The following CKM variants were observed in gnomAD, a reference collection of about 807,000 sequenced individuals.
CKM encodes the protein creatine kinase, M-type.
A neutral mutation model predicts 35.4 loss-of-function variants in CKM; 28 were observed. That is an observed-to-expected ratio of 0.79 (90% confidence interval 0.59 to 1.08). The LOEUF is 1.08. CKM is among the 50% of genes least tolerant of loss of function. The pLI is 0.00. For missense variants in CKM, 484 were observed against 509.8 expected (o/e 0.95, Z 0.49); for synonymous variants, 215 against 204.4 (o/e 1.05, Z -0.44).
In CKM at chr19:45,315,515, G is replaced by T. The variant is rs748106567; in HGVS notation, c.431C>A (p.Pro144Gln). Reference protein sequence around the residue: ...GRSIKGYTLPPHCSRGERRAV... With the variant: ...GRSIKGYTLPQHCSRGERRAV... ...CCGGCGCTCGCCACGGGAGCAGTGT[G>T]GGGGCAACGTGTAGCCCTTGATGCT... The change falls in exon 4 of 8, where the codon CCA becomes CAA. Residue 144 changes from proline to glutamine, a missense_variant. Physicochemically the swap from Pro to Gln is moderately conservative, Grantham distance 76. Coordinates refer to ENST00000221476, the MANE Select transcript of CKM (RefSeq NM_001824.5). 4 of 1,600,942 alleles carry T rather than the reference G, an allele frequency of 2.5e-6. No individual in the cohort carries two copies. The highest frequency in any genetic ancestry group is 3.4e-6 in the Non-Finnish European group (4 of 1,179,926).
At chr19:45,314,653 A>G (rs1342495728) in intron 4 of CKM, among the ~76,000 whole-genome samples, 1 of 151,988 alleles carries the variant, frequency 6.6e-6, no homozygotes, top group African/African-American at 2.4e-5. Flanking sequence ...ACCTCAAATG[A>G]TCCACCTGCC....
At position 45,312,801 on chromosome 19, in the gene CKM, A is replaced by C. The variant is rs1197255085; in HGVS notation, c.482-881T>G. Among the ~76,000 whole-genome samples, 9 of 152,116 alleles carry C rather than the reference A, an allele frequency of 5.9e-5. No individual in the cohort carries two copies. The East Asian group carries it at 1.7e-3, about 30-fold the overall frequency. On this transcript the variant is annotated intron_variant, in intron 4 of 7. Transcript: ENST00000221476. ...AAACCCCGTCTCCACTAAAAATACA[A>C]AAATTAGTCGGCCATGGTGGCACAC...
rs377387152 is a variant in CKM, at chr19:45,317,861, G to C, written c.312C>G (p.Asp104Glu). ...SDRHGGYKPTDKHKTDLNHEN... is the reference protein window; with the variant it reads ...SDRHGGYKPTEKHKTDLNHEN... The stretch of plus-strand genomic sequence containing the variant: ...CATGGTTGAGGTCAGTCTTGTGCTT[G>C]TCAGTGGGTTTGTAGCCCCCGTGGC... The change falls in exon 3 of 8, where the codon GAC becomes GAG. Residue 104 changes from aspartate (D) to glutamate (E), a missense_variant. Transcript: ENST00000221476. The C allele has an allele frequency of 4.1e-5, 66 of 1,614,028 alleles. No individual in the cohort carries two copies. Among genetic ancestry groups the C allele is most frequent in the Non-Finnish European group, 5.5e-5 (65 of 1,180,016 alleles).
Position 45,319,948 on chromosome 19 carries a change from G to A in CKM, c.-18-217C>T, listed in dbSNP as rs189361247. 3.2e-3 allele frequency among the ~76,000 whole-genome samples: 479 copies of A among 151,818 alleles called. 3 individuals are homozygous for A. Among genetic ancestry groups the A allele is most frequent in the African/African-American group, 0.011 (467 of 41,390 alleles). Reference sequence around the variant, plus strand: ...TGGGAATACAGGCGCCCGCCACCACGCCGGCTCATTTTTTGTATTTTTAGT... The same window carrying A: ...TGGGAATACAGGCGCCCGCCACCACACCGGCTCATTTTTTGTATTTTTAGT... On this transcript the variant is annotated intron_variant, in intron 1 of 7. Transcript: ENST00000221476.
intron 3 of CKM, among the ~76,000 whole-genome samples, chr19:45,317,281 T>TAA (rs1240243926): frequency 1.3e-5 from 2 of 148,866 alleles, no homozygotes; most frequent in African/African-American, 2.4e-5. Context: ...CTAATTTATT[T>TAA]TATTTATTTA....
At chr19:45,310,668 T>G (rs1200362860) in intron 5 of CKM, among the ~76,000 whole-genome samples, 3 of 150,874 alleles carry the variant, frequency 2.0e-5, no homozygotes, top group Middle Eastern at 6.8e-3. Context: ...AGTACCTCGG[T>G]CATGATTCAC....
chr19:45,318,639 C>T (rs901890315), intron 2 of CKM, among the ~76,000 whole-genome samples: 1 of 151,994 alleles, frequency 6.6e-6, no homozygotes, highest in African/African-American at 2.4e-5. Flanking sequence ...GTTAGGATCT[C>T]AGGCTACCAC....
intron 4 of CKM, among the ~76,000 whole-genome samples, chr19:45,315,120 TC>T (rs1024253687): frequency 3.3e-5 from 5 of 152,176 alleles, no homozygotes; most frequent in African/African-American, 1.2e-4. Context: ...TCCTCTTGTC[TC>T]CCCACCAGCT....
chr19:45,316,375 G>T (rs1252809960), intron 3 of CKM, among the ~76,000 whole-genome samples: 1 of 149,448 alleles, frequency 6.7e-6, no homozygotes, highest in Admixed American at 6.7e-5. Flanking sequence ...TGTTGCCCAG[G>T]CTGGTCTCAA....
intron 2 of CKM, among the ~76,000 whole-genome samples, chr19:45,318,651 G>T (rs997558771): frequency 2.6e-5 from 4 of 151,984 alleles, no homozygotes; most frequent in Non-Finnish European, 4.4e-5. Flanking sequence ...GGCTACCACC[G>T]TACCACAGAG....
intron 5 of CKM, among the ~76,000 whole-genome samples, chr19:45,311,461 A>G (rs1442504349): frequency 6.6e-6 from 1 of 150,682 alleles, no homozygotes; most frequent in Non-Finnish European, 1.5e-5. Context: ...CCTGACCTCA[A>G]GTGATCCCCC....
intron 4 of CKM, among the ~76,000 whole-genome samples, chr19:45,312,693 C>A (rs1383194452): frequency 6.6e-6 from 1 of 151,896 alleles, no homozygotes; most frequent in African/African-American, 2.4e-5. Flanking sequence ...GTGGCTCATG[C>A]CTATAATCCC....
rs777306042 is a variant in CKM at position 45,315,612 on chromosome 19, G to A, written c.349-15C>T. 3 of 1,602,240 alleles carry A rather than the reference G, an allele frequency of 1.9e-6. No homozygotes were observed. Among genetic ancestry groups the A allele is most frequent in the Non-Finnish European group, 2.5e-6 (3 of 1,179,842 alleles). ...TCGTCTCCACCCTGGAGAGCGGGTG[G>A]GAGATCAGGACCAGGCAGATCCTCC... On this transcript the variant is annotated splice_polypyrimidine_tract_variant and intron_variant, in intron 3 of 7. Transcript: ENST00000221476.
chr19:45,310,752 C>T (rs955161206), intron 5 of CKM, among the ~76,000 whole-genome samples: 4 of 142,460 alleles, frequency 2.8e-5, no homozygotes, highest in African/African-American at 1.0e-4. Context: ...TACGCCATCA[C>T]GCCTGGCTTT....
At chr19:45,309,555 CAAA>C (rs1157606063) in intron 5 of CKM, among the ~76,000 whole-genome samples, 3 of 74,836 alleles carry the variant, frequency 4.0e-5, no homozygotes, top group Middle Eastern at 8.6e-3. Context: ...GACCCTGTCT[CAAA>C]AAAAAAAAAA....
At chr19:45,317,803 C>A in intron 3 of CKM, 22 bp downstream of exon 3, 1 of 1,613,934 alleles carries the variant, frequency 6.2e-7, no homozygotes, top group Non-Finnish European at 8.5e-7. Context: ...CCTCGGCCCT[C>A]CCCTCCTGCG....
At chr19:45,308,137 A>C (rs1971072129) in intron 6 of CKM, among the ~76,000 whole-genome samples, 1 of 150,918 alleles carries the variant, frequency 6.6e-6, no homozygotes, top group Admixed American at 6.6e-5. Context: ...CTGGGATTAC[A>C]GGCGTGAGCC....
intron 5 of CKM, among the ~76,000 whole-genome samples, chr19:45,311,039 C>T (rs1971104799): frequency 6.7e-6 from 1 of 149,742 alleles, no homozygotes; most frequent in Non-Finnish European, 1.5e-5. Context: ...CTTGGCCTCC[C>T]AAAGTGCTGG....
At position 45,306,656 on chromosome 19, in the gene CKM, A is replaced by G; in HGVS notation, c.*94T>C. ...GAGCCCCCAGGTGGGACTCTGGGAC[A>G]GGGGGCGGGGCGAGGAGTGAGGGAG... is the stretch of plus-strand genomic sequence containing the variant. On this transcript the variant is annotated 3_prime_UTR_variant, in exon 8 of 8. Coordinates refer to ENST00000221476, the MANE Select transcript of CKM (RefSeq NM_001824.5). The surrounding 1 kb of genome is among the most constrained non-coding windows in gnomAD (Gnocchi z 4.5). 7.4e-7 allele frequency: 1 copy of G among 1,359,204 alleles called. No homozygotes were observed. Among genetic ancestry groups the G allele is most frequent in the Non-Finnish European group, 1.0e-6 (1 of 959,450 alleles). 84.2% of individuals were successfully genotyped at this position (1,359,204 alleles called of 1,614,324 possible).
Sources: allele counts gnomAD v4.1 joint callset (sites outside exome capture counted in the v4.1 genomes callset), GRCh38; gene constraint gnomAD v4.1.1; non-coding constraint Gnocchi (gnomAD v3.1); transcripts MANE v1.5; gene names NCBI Gene and HGNC (gene_info 2026-07-23, HGNC 2026-07-21).